Variants in SOX5 observed in about 807,000 individuals in gnomAD.
The protein encoded by SOX5 is transcription factor SOX-5.
SOX5 carries 9 observed loss-of-function variants against 92.0 expected under a neutral mutation model. That is an observed-to-expected ratio of 0.10 (90% CI 0.06 to 0.17). The LOEUF is 0.17. Ranked by LOEUF, SOX5 falls within the 10% of genes least tolerant of loss-of-function variation. SOX5 has a pLI of 1.00. For synonymous variants in SOX5, 344 were observed against 336.3 expected, an observed-to-expected ratio of 1.02 and a Z score of -0.25; for missense variants, 642 against 944.5, an observed-to-expected ratio of 0.68 and a Z score of 4.20.
At chr12:24,290,179 A>C (rs1288291930) in intron 2 of SOX5, among the ~76,000 whole-genome samples, 4 of 152,236 alleles carry the variant, frequency 2.6e-5, no homozygotes, top group Non-Finnish European at 5.9e-5. Context: ...CCCAGAAAAC[A>C]TAAGCATACT....
At chr12:23,644,443 A>G (rs1214670884) in intron 7 of SOX5, among the ~76,000 whole-genome samples, 1 of 152,088 alleles carries the variant, frequency 6.6e-6, no homozygotes. Context: ...TTGAAGTAGG[A>G]AACATGTGGC....
rs555095130 is a variant in SOX5, at chr12:24,318,267, G to A, written c.-173-40955C>T. On this transcript the variant is annotated intron_variant, in intron 2 of 4. Transcript: ENST00000446891. ...TTCACAGCCTTCTCTTGAGCTAGATGCACCCATGCAGTCAAGTTTCAAGGA... is the reference window on the plus strand; with the variant it reads ...TTCACAGCCTTCTCTTGAGCTAGATACACCCATGCAGTCAAGTTTCAAGGA... Among the ~76,000 whole-genome samples the A allele has an allele frequency of 3.9e-4, 59 of 152,282 alleles. 1 individual carries two copies. In the East Asian group the frequency reaches 5.2e-3, roughly 13 times the overall value.
chr12:23,880,037 G>A (rs2096970493), intron 2 of SOX5, among the ~76,000 whole-genome samples: 1 of 152,114 alleles, frequency 6.6e-6, no homozygotes, highest in Non-Finnish European at 1.5e-5. Context: ...CAGATATATA[G>A]CCCCAGTGTG....
intron 4 of SOX5, among the ~76,000 whole-genome samples, chr12:24,089,063 A>G (rs1045052377): frequency 1.3e-5 from 2 of 152,258 alleles, no homozygotes; most frequent in East Asian, 3.9e-4. Context: ...CCTGGTTGCA[A>G]ATGAAAAATA....
At chr12:23,664,158 A>C (rs893787087) in intron 7 of SOX5, among the ~76,000 whole-genome samples, 1 of 152,142 alleles carries the variant, frequency 6.6e-6, no homozygotes, top group Non-Finnish European at 1.5e-5. Flanking sequence ...ATATAGAGAA[A>C]GATTTAAAGA....
In SOX5 at chr12:24,074,047, C is replaced by CA. The variant is rs1251891631; in HGVS notation, c.-2+139295dup. 9.5e-3 allele frequency among the ~76,000 whole-genome samples: 1,378 copies of CA among 145,704 alleles called. 17 individuals are homozygous for CA. The highest frequency in any genetic ancestry group is 0.03 in the African/African-American group (1,180 of 39,856). ...TGACAGAGACCATGCCTACATCCCT[C>CA]AAAAAAAAAAGCTCAGTGTACACAA... On this transcript the variant is annotated intron_variant, in intron 4 of 4. Transcript: ENST00000446891.
chr12:23,888,373 T>A (rs2097093716), intron 2 of SOX5, among the ~76,000 whole-genome samples: 1 of 152,042 alleles, frequency 6.6e-6, no homozygotes, highest in Non-Finnish European at 1.5e-5. Context: ...ATAGTAGACA[T>A]TCATTAAGTG....
chr12:24,022,895 C>A (rs76392693), intron 4 of SOX5, among the ~76,000 whole-genome samples: 2,345 of 149,454 alleles, frequency 0.016, 45 homozygotes, highest in African/African-American at 0.054. Flanking sequence ...GACATTAGCG[C>A]CCCCAACAAA....
chr12:23,603,009 G>A (rs2074711764), intron 9 of SOX5, among the ~76,000 whole-genome samples: 1 of 152,018 alleles, frequency 6.6e-6, no homozygotes, highest in Non-Finnish European at 1.5e-5. Context: ...AATGTAGTGT[G>A]TACAATAATT....
intron 1 of SOX5, among the ~76,000 whole-genome samples, chr12:24,381,057 C>CA (rs1463599154): frequency 6.6e-6 from 1 of 152,126 alleles, no homozygotes; most frequent in African/African-American, 2.4e-5. Flanking sequence ...TGAAAAAGAA[C>CA]AGTGTGGCCT....
intron 4 of SOX5, among the ~76,000 whole-genome samples, chr12:24,067,383 T>A (rs1297625965): frequency 1.3e-5 from 2 of 151,838 alleles, no homozygotes; most frequent in African/African-American, 4.8e-5. Flanking sequence ...CCCAGAAAAA[T>A]AACATAATTG....
At chr12:23,942,084 A>T (rs975431800) in intron 1 of SOX5, among the ~76,000 whole-genome samples, 9 of 151,816 alleles carry the variant, frequency 5.9e-5, no homozygotes, top group African/African-American at 2.2e-4. Context: ...TTAACTTTGC[A>T]ATTAGAATAA....
chr12:24,539,487 A>G (rs903905644), intron 1 of SOX5, among the ~76,000 whole-genome samples: 1 of 152,158 alleles, frequency 6.6e-6, no homozygotes, highest in African/African-American at 2.4e-5. Flanking sequence ...TTACACTTAA[A>G]TCTATCAACT....
chr12:24,330,130 A>G (rs547024316), intron 2 of SOX5, among the ~76,000 whole-genome samples: 4 of 152,288 alleles, frequency 2.6e-5, no homozygotes, highest in Non-Finnish European at 4.4e-5. Context: ...ATAAAATAAG[A>G]AAAACATACC....
chr12:23,533,204 C>A lies in SOX5; in HGVS notation c.*1015G>T, dbSNP rs1428534177. ...CATCCCCAGATGTGGGTTTAACTCA[C>A]AATGGTCCAACGTTATTCCTATTAT... On this transcript the variant is annotated 3_prime_UTR_variant, in exon 15 of 15. Transcript: ENST00000451604. 1 of 456,358 alleles carries A rather than the reference C, an allele frequency of 2.2e-6. No individual in the cohort carries two copies. The highest frequency in any genetic ancestry group is 4.4e-6 in the Non-Finnish European group (1 of 226,706). 28.3% of individuals were successfully genotyped at this position (456,358 alleles called of 1,614,324 possible).
chr12:24,258,073 T>C (rs1218144366), intron 3 of SOX5, among the ~76,000 whole-genome samples: 1 of 152,020 alleles, frequency 6.6e-6, no homozygotes, highest in Non-Finnish European at 1.5e-5. Flanking sequence ...CTTGGGAAGC[T>C]GAGGCAGGAG....
At chr12:23,577,745 A>C (rs1398348248) in intron 9 of SOX5, among the ~76,000 whole-genome samples, 1 of 152,148 alleles carries the variant, frequency 6.6e-6, no homozygotes, top group Admixed American at 6.5e-5. Context: ...ATATTGATTC[A>C]TAAGATCTTG....
rs190417873 is a variant in SOX5 at position 24,107,315 on chromosome 12, T to G, written c.-2+106028A>C. ...ATAAATACTTTCTATATTCTTAGTG[T>G]GTTTTAGATTATAGTCCAAGGAAGA... On this transcript the variant is annotated intron_variant, in intron 4 of 4. Coordinates refer to the SOX5 transcript ENST00000446891. Among the ~76,000 whole-genome samples, 304 of 152,344 alleles carry G rather than the reference T, an allele frequency of 2.0e-3. 1 individual carries two copies. Among genetic ancestry groups the G allele is most frequent in the Non-Finnish European group, 3.6e-3 (245 of 68,030 alleles).
At chr12:24,238,362 T>C (rs1964917600) in intron 3 of SOX5, among the ~76,000 whole-genome samples, 1 of 152,136 alleles carries the variant, frequency 6.6e-6, no homozygotes, top group East Asian at 1.9e-4. Context: ...AGAGTAGTTT[T>C]TTGAGTTTTT....
Sources: gnomAD v4.1 joint callset for allele counts (sites outside exome capture counted in the v4.1 genomes callset) on GRCh38, gnomAD v4.1.1 for gene constraint, MANE v1.5 for transcripts, NCBI Gene and HGNC (gene_info 2026-07-23, HGNC 2026-07-21) for gene names.